The following EVA1B variants were observed in gnomAD, a reference collection of about 807,000 sequenced individuals.
EVA1B encodes eva-1 homolog B, also known as protein eva-1 homolog B.
Under a neutral mutation model 4.6 loss-of-function variants are expected in EVA1B, and 2 were observed. That is an observed-to-expected ratio of 0.43 (90% CI 0.18 to 1.37). The LOEUF (loss-of-function observed/expected upper bound fraction) is 1.37. EVA1B is among the 40% of genes most tolerant of loss of function. The pLI is 0.28. For synonymous variants in EVA1B, 124 were observed against 115.8 expected (o/e 1.07, Z -0.46); for missense variants, 263 against 240.4 (o/e 1.09, Z -0.62).
In EVA1B at chr1:36,323,161, G is replaced by C. The variant is rs1646497271; in HGVS notation, c.-30-94C>G. On this transcript the variant is annotated intron_variant, in intron 1 of 2. Coordinates refer to ENST00000490466, the MANE Select transcript of EVA1B (RefSeq NM_001304762.2). ...TCCTCTCCCGGGAGCCGCGGGCCCA[G>C]GTTCCACCCTGGAGAGAGCGCTTCC... 4 of 1,101,174 alleles carry C rather than the reference G, an allele frequency of 3.6e-6. No homozygotes were observed. In the African/African-American group the frequency reaches 4.9e-5, roughly 13 times the overall value. The allele number at this position is 1,101,174 out of a possible 1,614,324, so 68.2% of individuals were successfully genotyped here. A position where few individuals can be genotyped will look rare whatever the true frequency, so the allele number is the denominator to read the frequency against.
intron 2 of EVA1B, 83 bp from the exon 3 acceptor site, chr1:36,322,808 G>T: frequency 1.3e-6 from 2 of 1,491,544 alleles, no homozygotes; most frequent in Non-Finnish European, 1.8e-6. Flanking sequence ...GGTTCTAGGT[G>T]TGGGGGCGAG....
chr1:36,322,835 C>G, intron 2 of EVA1B, 110 bp from the exon 3 acceptor site: 1 of 1,489,314 alleles, frequency 6.7e-7, no homozygotes, highest in South Asian at 1.2e-5. Flanking sequence ...AACCCCTACT[C>G]GAAGGGCATT....
Position 36,322,593 on chromosome 1 carries a change from T to A in EVA1B, c.200A>T (p.Asp67Val). ...GGGCTCCAGGGTGCTGCTGCGGGGGTCCCGGCGCTGAGCCGGGCCCCGGGG... is the reference window on the plus strand; with the variant it reads ...GGGCTCCAGGGTGCTGCTGCGGGGGACCCGGCGCTGAGCCGGGCCCCGGGG... ...PRPRGPAQRRDPRSSTLEPED... is the reference protein window; with the variant it reads ...PRPRGPAQRRVPRSSTLEPED... Residue 67 changes from aspartate (D) to valine (V), a missense_variant, in exon 3 of 3, where the codon GAC becomes GTC. Transcript: ENST00000490466. 1 of 1,548,062 alleles carries A rather than the reference T, an allele frequency of 6.5e-7. No homozygotes were observed. Among genetic ancestry groups the A allele is most frequent in the Non-Finnish European group, 8.7e-7 (1 of 1,154,282 alleles).
At chr1:36,322,863 C>A in intron 2 of EVA1B, 108 bp downstream of exon 2, 1 of 1,516,628 alleles carries the variant, frequency 6.6e-7, no homozygotes, top group South Asian at 1.2e-5. Flanking sequence ...CGCCAGCGGG[C>A]AAGAGGGCGG....
chr1:36,323,526 C>G lies in EVA1B; in HGVS notation c.-98G>C, dbSNP rs923903578. On this transcript the variant is annotated 5_prime_UTR_variant, in exon 1 of 3. Coordinates refer to ENST00000490466, the MANE Select transcript of EVA1B (RefSeq NM_001304762.2). ...CGCGGCCGCATACACTGGGTCCGGC[C>G]GCCCCCGCCCGCTCGGGTCCCGCCG... The G allele has an allele frequency of 6.6e-6, 1 of 152,050 alleles. No individual in the cohort carries two copies. Among genetic ancestry groups the G allele is most frequent in the African/African-American group, 2.4e-5 (1 of 41,410 alleles). The allele number at this position is 152,050 out of a possible 1,614,324, so 9.4% of individuals were successfully genotyped here.
chr1:36,322,122 G>T lies in EVA1B; in HGVS notation c.*173C>A. 1 of 1,344,190 alleles carries T rather than the reference G, an allele frequency of 7.4e-7. No individual in the cohort carries two copies. Among genetic ancestry groups the T allele is most frequent in the South Asian group, 1.8e-5 (1 of 56,960 alleles). The allele number at this position is 1,344,190 out of a possible 1,614,324, so 83.3% of individuals were successfully genotyped here. ...GGACCCTGCATGCTGCCCCCTCCCCGCCCCCGGGGTCTTCTGGCAGGACTG... is the reference window on the plus strand; with the variant it reads ...GGACCCTGCATGCTGCCCCCTCCCCTCCCCCGGGGTCTTCTGGCAGGACTG... On this transcript the variant is annotated 3_prime_UTR_variant, in exon 3 of 3. Coordinates refer to ENST00000490466, the MANE Select transcript of EVA1B (RefSeq NM_001304762.2).
At chr1:36,322,943 C>A in intron 2 of EVA1B, 28 bp downstream of exon 2, 1 of 1,605,786 alleles carries the variant, frequency 6.2e-7, no homozygotes. Context: ...AGGGTTCAGG[C>A]CCCCAGTCTT....
upstream of EVA1B, chr1:36,323,869 C>A (rs1646512395): frequency 6.6e-6 from 1 of 152,278 alleles, no homozygotes; most frequent in African/African-American, 2.4e-5. Flanking sequence ...AAGGGCTAAA[C>A]CTTGGACAGG....
Position 36,322,568 on chromosome 1 carries a change from G to A in EVA1B, c.225C>T (p.Pro75=), listed in dbSNP as rs910186004. The A allele has an allele frequency of 1.3e-6, 2 of 1,588,330 alleles. No individual in the cohort carries two copies. Among genetic ancestry groups the A allele is most frequent in the African/African-American group, 1.3e-5 (1 of 74,494 alleles). The part of the protein sequence containing the change: ...RRDPRSSTLE[P]EDDDEDEEDT... ...CCTCCTCGTCCTCGTCGTCGTCCTCGGGCTCCAGGGTGCTGCTGCGGGGGT... is the reference window on the plus strand; with the variant it reads ...CCTCCTCGTCCTCGTCGTCGTCCTCAGGCTCCAGGGTGCTGCTGCGGGGGT... Residue 75 remains proline, a synonymous_variant, in exon 3 of 3, where the codon CCC becomes CCT. Transcript: ENST00000490466.
At chr1:36,324,078 G>A (rs1240289589), upstream of EVA1B, 1 of 152,284 alleles carries the variant, frequency 6.6e-6, no homozygotes. Context: ...AGGCAAAGCT[G>A]CTTCTCTTCC....
At position 36,323,051 on chromosome 1, in the gene EVA1B, G is replaced by A; in HGVS notation, c.-14C>T. 14 of 1,598,174 alleles carry A rather than the reference G, an allele frequency of 8.8e-6. No homozygotes were observed. The highest frequency in any genetic ancestry group is 1.2e-5 in the Non-Finnish European group (14 of 1,175,216). ...CGGGGCATCCATGCTGCTCTGGGGGGCAGCTCCCCTACCAGCCTGCGAGGT... is the reference window on the plus strand; with the variant it reads ...CGGGGCATCCATGCTGCTCTGGGGGACAGCTCCCCTACCAGCCTGCGAGGT... On this transcript the variant is annotated 5_prime_UTR_variant, in exon 2 of 3. Coordinates refer to ENST00000490466, the MANE Select transcript of EVA1B (RefSeq NM_001304762.2).
chr1:36,323,237 C>T (rs908996879), intron 1 of EVA1B, among the ~76,000 whole-genome samples, 170 bp from the exon 2 acceptor site: 1 of 152,140 alleles, frequency 6.6e-6, no homozygotes, highest in African/African-American at 2.4e-5. Context: ...CTCTCCCGGG[C>T]GCGGACGCCC....
At chr1:36,323,172 GGA>G (rs1426122084) in intron 1 of EVA1B, 105 bp from the exon 2 acceptor site, 1 of 949,972 alleles carries the variant, frequency 1.1e-6, no homozygotes, top group Non-Finnish European at 1.5e-6. Flanking sequence ...GTTCCACCCT[GGA>G]GAGAGCGCTT....
In EVA1B at chr1:36,322,319, GGT is replaced by G; in HGVS notation, c.472_473del (p.Thr158ProfsTer85). 6.4e-6 allele frequency: 10 copies of G among 1,556,350 alleles called. No homozygotes were observed. Among genetic ancestry groups the G allele is most frequent in the Non-Finnish European group, 8.6e-6 (10 of 1,160,278 alleles). On this transcript the variant is annotated frameshift_variant, in exon 3 of 3. Coordinates refer to ENST00000490466, the MANE Select transcript of EVA1B (RefSeq NM_001304762.2). LOFTEE classifies it high-confidence loss of function. The stretch of plus-strand genomic sequence containing the variant: ...ATCAGTAATAGTGCATGCGGCCCAG[GGT>G]GCCCGTGGCCGTGGGGCTGGGCCCC... ...TLGPSPTATG[T>X]LGRMHYY
At chr1:36,323,654 G>T (rs1316811212), upstream of EVA1B, 1 of 152,050 alleles carries the variant, frequency 6.6e-6, no homozygotes, top group African/African-American at 2.4e-5. Flanking sequence ...AGGAGGGACG[G>T]GGCGGGGCGG....
rs888906797 is a variant in EVA1B, at chr1:36,322,147, G to A, written c.*148C>T. On this transcript the variant is annotated 3_prime_UTR_variant, in exon 3 of 3. Transcript: ENST00000490466. The stretch of plus-strand genomic sequence containing the variant: ...GCCCCCGGGGTCTTCTGGCAGGACT[G>A]GGGAAGGGAGCCTCTCAGGGGGTGG... The A allele has an allele frequency of 3.0e-6, 4 of 1,354,390 alleles. No homozygotes were observed. The highest frequency in any genetic ancestry group is 3.3e-5 in the Admixed American group (1 of 30,142). 83.9% of individuals were successfully genotyped at this position (1,354,390 alleles called of 1,614,324 possible).
At chr1:36,322,948 A>G (rs1198620983) in intron 2 of EVA1B, 23 bp downstream of exon 2, 1 of 1,606,648 alleles carries the variant, frequency 6.2e-7, no homozygotes, top group Admixed American at 1.7e-5. Context: ...TCAGGCCCCC[A>G]GTCTTCCGGC....
chr1:36,322,483 G>A lies in EVA1B; in HGVS notation c.310C>T (p.Pro104Ser), dbSNP rs1349375530. Residue 104 changes from proline to serine, a missense_variant, in exon 3 of 3, where the codon CCG (proline) becomes TCG (serine). Coordinates refer to ENST00000490466, the MANE Select transcript of EVA1B (RefSeq NM_001304762.2). The stretch of plus-strand genomic sequence containing the variant: ...ACGTTGACGTTGAGGGGCCCGTCCG[G>A]CTCTGCGGACAGCTCGGGGCCCGGC... ...TLPGPELSAE[P>S]DGPLNVNVFT... 2 of 1,604,118 alleles carry A rather than the reference G, an allele frequency of 1.2e-6. No homozygotes were observed.
intron 2 of EVA1B, 42 bp from the exon 3 acceptor site, chr1:36,322,767 G>A (rs1179881710): frequency 6.5e-7 from 1 of 1,532,708 alleles, no homozygotes; most frequent in Non-Finnish European, 8.8e-7. Context: ...GCCCGGACGG[G>A]TGGGGGTTGT....
Sources: gnomAD v4.1 joint callset for allele counts (sites outside exome capture counted in the v4.1 genomes callset) on GRCh38, gnomAD v4.1.1 for gene constraint, MANE v1.5 for transcripts, NCBI Gene and HGNC (gene_info 2026-07-23, HGNC 2026-07-21) for gene names.